The following TMEM182 variants were observed in gnomAD, a reference collection of about 807,000 sequenced individuals.
The protein encoded by TMEM182 is transmembrane protein 182.
TMEM182 carries 20 observed loss-of-function variants against 26.8 expected under a neutral mutation model. The ratio of observed to expected loss-of-function variants is 0.75; its 90% confidence interval spans 0.53 to 1.09. The LOEUF (loss-of-function observed/expected upper bound fraction) is 1.09. Ranked by LOEUF, TMEM182 falls within the 50% of genes least tolerant of loss-of-function variation. TMEM182 has a pLI of 0.00. For synonymous variants in TMEM182, 109 were observed against 102.2 expected (o/e 1.07, Z -0.40); for missense variants, 277 against 275.5 (o/e 1.01, Z -0.04).
chr2:102,806,967 T>C (rs1451058733), intron 4 of TMEM182, among the ~76,000 whole-genome samples: 1 of 152,204 alleles, frequency 6.6e-6, no homozygotes, highest in African/African-American at 2.4e-5. Flanking sequence ...GAATAAATAT[T>C]TCCTTGGCAT....
In TMEM182 at chr2:102,833,151, T is replaced by A. The variant is rs769686315; in HGVS notation, c.326-10261T>A. Among the ~76,000 whole-genome samples the A allele has an allele frequency of 1.9e-3, 283 of 152,180 alleles. 1 individual carries two copies. Among genetic ancestry groups the A allele is most frequent in the Non-Finnish European group, 2.1e-3 (145 of 67,992 alleles). ...GAGGAGCTCCCCTTTCTCAGGCAGG[T>A]GGGAGGTTGGAGGAGGAGTGGTGGG... On this transcript the variant is annotated intron_variant, in intron 3 of 3. Coordinates refer to the TMEM182 transcript ENST00000486293.
upstream of TMEM182, among the ~76,000 whole-genome samples, chr2:102,757,237 C>G (rs2540307): frequency 6.6e-6 from 1 of 151,670 alleles, no homozygotes; most frequent in Non-Finnish European, 1.5e-5. Context: ...CTACTCAGCC[C>G]CTTTGCCTCC....
chr2:102,816,558 G>A lies in TMEM182; in HGVS notation c.*1590G>A. Reference sequence around the variant, plus strand: ...ATAATAATAATAATAAAGCTCCAGAGGCCTAACTGGTTTCTCAAGTCATTT... The same window carrying A: ...ATAATAATAATAATAAAGCTCCAGAAGCCTAACTGGTTTCTCAAGTCATTT... On this transcript the variant is annotated 3_prime_UTR_variant, in exon 5 of 5. Coordinates refer to ENST00000412401, the MANE Select transcript of TMEM182 (RefSeq NM_144632.5). 1.1e-6 allele frequency: 1 copy of A among 941,686 alleles called. No individual in the cohort carries two copies. 58.3% of individuals were successfully genotyped at this position (941,686 alleles called of 1,614,324 possible). A position where few individuals can be genotyped will look rare whatever the true frequency, so the allele number is the denominator to read the frequency against.
chr2:102,813,170 A>G (rs1354202333), intron 4 of TMEM182, among the ~76,000 whole-genome samples: 2 of 152,188 alleles, frequency 1.3e-5, no homozygotes, highest in African/African-American at 4.8e-5. Context: ...TCATGATTAC[A>G]AGGAAGTTTA....
chr2:102,792,586 G>A (rs2104717994), intron 3 of TMEM182, among the ~76,000 whole-genome samples: 1 of 152,344 alleles, frequency 6.6e-6, no homozygotes. Flanking sequence ...TGCAATCAAA[G>A]TATGGTGCAT....
At chr2:102,809,574 T>C (rs1222317291) in intron 4 of TMEM182, among the ~76,000 whole-genome samples, 1 of 152,162 alleles carries the variant, frequency 6.6e-6, no homozygotes, top group Non-Finnish European at 1.5e-5. Flanking sequence ...TGTTTGGGAA[T>C]GTTTTCAGCT....
At chr2:102,754,009 C>T (rs954853237) in intron 1 of TMEM182, among the ~76,000 whole-genome samples, 2 of 152,054 alleles carry the variant, frequency 1.3e-5, no homozygotes, top group Non-Finnish European at 2.9e-5. Context: ...GTAGAGAGGA[C>T]GCCACACAAG....
Position 102,816,473 on chromosome 2 carries a change from G to A in TMEM182, c.*1505G>A. ...AAGGAGCTTTGGAAAAATTGCAAAG[G>A]TCTGAATCTTCAGGGCATTTTCATG... On this transcript the variant is annotated 3_prime_UTR_variant, in exon 5 of 5. Coordinates refer to ENST00000412401, the MANE Select transcript of TMEM182 (RefSeq NM_144632.5). 1.0e-6 allele frequency: 1 copy of A among 984,158 alleles called. No homozygotes were observed. Among genetic ancestry groups the A allele is most frequent in the Non-Finnish European group, 1.2e-6 (1 of 829,762 alleles). The allele number at this position is 984,158 out of a possible 1,614,324, so 61.0% of individuals were successfully genotyped here.
At chr2:102,826,321 T>TA (rs1683030074) in intron 3 of TMEM182, among the ~76,000 whole-genome samples, 1 of 149,888 alleles carries the variant, frequency 6.7e-6, no homozygotes, top group Non-Finnish European at 1.5e-5. Context: ...TTTTTTTTTT[T>TA]AACAAAGTTC....
chr2:102,841,754 CTGTT>C (rs1683355822), intron 3 of TMEM182, among the ~76,000 whole-genome samples: 1 of 152,272 alleles, frequency 6.6e-6, no homozygotes, highest in South Asian at 2.1e-4. Flanking sequence ...TATTTTCTGA[CTGTT>C]TGGACAGGTA....
At chr2:102,738,988 C>T (rs79736786) in intron 1 of TMEM182, among the ~76,000 whole-genome samples, 157 of 152,288 alleles carry the variant, frequency 1.0e-3, no homozygotes, top group East Asian at 7.3e-3. Flanking sequence ...GAGGCCAAGA[C>T]GACACTTCCT....
intron 3 of TMEM182, among the ~76,000 whole-genome samples, chr2:102,773,635 A>C (rs1029407550): frequency 6.0e-5 from 9 of 150,670 alleles, no homozygotes; most frequent in African/African-American, 1.9e-4. Context: ...ACATTGGCTC[A>C]TCCTCTGAAT....
At chr2:102,822,293 A>G (rs920303236), downstream of TMEM182, among the ~76,000 whole-genome samples, 11 of 152,140 alleles carry the variant, frequency 7.2e-5, no homozygotes, top group African/African-American at 2.7e-4. Flanking sequence ...AGAACCAAAC[A>G]GGGGAGGACA....
intron 3 of TMEM182, among the ~76,000 whole-genome samples, chr2:102,793,525 C>T (rs1022154525): frequency 2.0e-5 from 3 of 152,134 alleles, no homozygotes; most frequent in Non-Finnish European, 4.4e-5. Flanking sequence ...ATAATTGTTT[C>T]CCGGACCCAT....
intron 4 of TMEM182, among the ~76,000 whole-genome samples, chr2:102,807,887 A>G (rs1682406322): frequency 6.6e-6 from 1 of 152,194 alleles, no homozygotes; most frequent in Non-Finnish European, 1.5e-5. Context: ...TAGTGTTTAT[A>G]TTTAATATAT....
chr2:102,765,086 A>C (rs185169344), intron 3 of TMEM182, among the ~76,000 whole-genome samples: 77 of 151,942 alleles, frequency 5.1e-4, no homozygotes, highest in Non-Finnish European at 9.6e-4. Context: ...TCAATAAATT[A>C]ATATTAGTCA....
intron 3 of TMEM182, among the ~76,000 whole-genome samples, chr2:102,794,937 A>G (rs1386785934): frequency 6.6e-6 from 1 of 152,144 alleles, no homozygotes; most frequent in African/African-American, 2.4e-5. Context: ...CAAATGTGAG[A>G]ACTTCTGATA....
At chr2:102,750,409 C>T (rs746157786) in intron 1 of TMEM182, among the ~76,000 whole-genome samples, 1 of 152,122 alleles carries the variant, frequency 6.6e-6, no homozygotes, top group African/African-American at 2.4e-5. Context: ...CTGTTTTTTG[C>T]CGATGTTGCT....
intron 3 of TMEM182, 28 bp from the exon 4 acceptor site, chr2:102,797,834 CT>C (rs770810997): frequency 1.3e-6 from 2 of 1,590,698 alleles, no homozygotes; most frequent in Non-Finnish European, 1.7e-6. Context: ...ATTTTTCTTT[CT>C]TTTCTCTTTT....
Sources: gnomAD v4.1 joint callset for allele counts (sites outside exome capture counted in the v4.1 genomes callset) on GRCh38, gnomAD v4.1.1 for gene constraint, MANE v1.5 for transcripts, NCBI Gene and HGNC (gene_info 2026-07-23, HGNC 2026-07-21) for gene names.